PCDHGB2: variants seen among roughly 807,000 people sequenced by gnomAD.
PCDHGB2 encodes the protein protocadherin gamma-B2.
A neutral mutation model predicts 59.3 loss-of-function variants in PCDHGB2; 55 were observed. That is an observed-to-expected ratio of 0.93 (90% confidence interval 0.75 to 1.16). PCDHGB2 has a LOEUF of 1.16. Ranked by LOEUF, PCDHGB2 falls within the 50% of genes most tolerant of loss-of-function variation. The pLI, the probability that PCDHGB2 is intolerant of heterozygous loss-of-function variation, is 0.00. For synonymous variants in PCDHGB2, 516 were observed against 512.0 expected (o/e 1.01, Z -0.11); for missense variants, 1,228 against 1,198.5 (o/e 1.02, Z -0.36).
In PCDHGB2 at chr5:141,433,363, CTATCT is replaced by C. The variant is rs2097590943; in HGVS notation, c.2422-61443_2422-61439del. On this transcript the variant is annotated intron_variant, in intron 1 of 3. Transcript: ENST00000522605. ...TGCAAGCCACCTACTGTCTGCCTAT[CTATCT>C]ATCTATCTATCTATCTATCTATCTA... 4 of 463,386 alleles carry C rather than the reference CTATCT, an allele frequency of 8.6e-6. No homozygotes were observed. The African/African-American group carries it at 1.1e-4, about 13-fold the overall frequency. 28.7% of individuals were successfully genotyped at this position (463,386 alleles called of 1,614,324 possible). A position where few individuals can be genotyped will look rare whatever the true frequency, so the allele number is the denominator to read the frequency against.
intron 1 of PCDHGB2, chr5:141,478,825 T>G: frequency 1.4e-6 from 2 of 1,441,878 alleles, no homozygotes; most frequent in East Asian, 5.0e-5. Context: ...TAACCAATCT[T>G]GCTAAGGGAT....
intron 1 of PCDHGB2, among the ~76,000 whole-genome samples, chr5:141,462,903 T>A (rs1455334521): frequency 6.6e-6 from 1 of 152,208 alleles, no homozygotes; most frequent in Non-Finnish European, 1.5e-5. Context: ...GGAAGGCTAT[T>A]ATGTTTTTTG....
intron 1 of PCDHGB2, chr5:141,415,799 C>T (rs1037967294): frequency 5.2e-6 from 7 of 1,335,782 alleles, no homozygotes; most frequent in Non-Finnish European, 6.7e-6. Context: ...CACCTAGTCT[C>T]AATCAAGGCC....
At chr5:141,492,710 G>A (rs11953270) in intron 1 of PCDHGB2, among the ~76,000 whole-genome samples, 27,341 of 152,278 alleles carry the variant, frequency 0.18, 2,647 homozygotes, top group Admixed American at 0.28. Flanking sequence ...GAAGCCTCGA[G>A]CAGGCGGACA....
In PCDHGB2 at chr5:141,413,613, TA is replaced by T. The variant is rs2095659138; in HGVS notation, c.2421+51059del. The T allele has an allele frequency of 4.3e-6, 7 of 1,613,714 alleles. No individual in the cohort carries two copies. The East Asian group carries it at 1.6e-4, about 36-fold the overall frequency. On this transcript the variant is annotated intron_variant, in intron 1 of 3. Transcript: ENST00000522605. Reference sequence around the variant, plus strand: ...AAGCAGAAAATCTAGACGTAAAAATTAATGAAAATGTCGCTGCGGGAATGCG... The same window carrying T: ...AAGCAGAAAATCTAGACGTAAAAATTATGAAAATGTCGCTGCGGGAATGCG...
In PCDHGB2 at chr5:141,365,685, TC is replaced by T. The variant is rs770206035; in HGVS notation, c.2421+3132del. 2.5e-6 allele frequency: 4 copies of T among 1,613,270 alleles called. No homozygotes were observed. The South Asian group carries it at 4.4e-5, about 18-fold the overall frequency. On this transcript the variant is annotated intron_variant, in intron 1 of 3. Coordinates refer to ENST00000522605, the MANE Select transcript of PCDHGB2 (RefSeq NM_018923.3). The stretch of plus-strand genomic sequence containing the variant: ...GACGTTAATGACAACCCACCCAATT[TC>T]CCTCAAGCCTCCTACTCCACCTCTG...
intron 1 of PCDHGB2, chr5:141,396,416 C>T (rs1336875388): frequency 6.6e-6 from 1 of 152,140 alleles, no homozygotes; most frequent in Non-Finnish European, 1.5e-5. Flanking sequence ...GTCAGGAGTT[C>T]AAGATCAGCC....
intron 1 of PCDHGB2, among the ~76,000 whole-genome samples, chr5:141,437,064 G>T (rs1380953110): frequency 6.6e-6 from 1 of 152,170 alleles, no homozygotes; most frequent in Non-Finnish European, 1.5e-5. Flanking sequence ...ATCATTATTT[G>T]GTTTGGGCCA....
intron 1 of PCDHGB2, chr5:141,374,195 G>T (rs1770254935): frequency 1.2e-6 from 2 of 1,613,752 alleles, no homozygotes; most frequent in East Asian, 2.2e-5. Context: ...TATTCCCGAG[G>T]AGCTGGAGAA....
chr5:141,465,689 C>A (rs2099107540), intron 1 of PCDHGB2, among the ~76,000 whole-genome samples: 1 of 152,162 alleles, frequency 6.6e-6, no homozygotes, highest in African/African-American at 2.4e-5. Context: ...GACCAGTCTG[C>A]TTTTGCATTG....
intron 3 of PCDHGB2, 88 bp from the exon 4 acceptor site, chr5:141,510,859 A>G: frequency 6.2e-7 from 1 of 1,606,096 alleles, no homozygotes; most frequent in Non-Finnish European, 8.5e-7. Context: ...GGTGCTGTAT[A>G]GGCATTCATT....
rs139153105 is a variant in PCDHGB2 at position 141,432,400 on chromosome 5, G to T, written c.2422-62407G>T. 3.1e-6 allele frequency: 5 copies of T among 1,614,122 alleles called. No homozygotes were observed. In the African/African-American group the frequency reaches 4.0e-5, roughly 13 times the overall value. ...ACCCGCCCCTCAGCAGCAACGTGTC[G>T]TTGAGCCTGTTCGTGCTGGACCAGA... On this transcript the variant is annotated intron_variant, in intron 1 of 3. Transcript: ENST00000522605. The surrounding 1 kb of genome is among the most constrained non-coding windows in gnomAD (Gnocchi z 6.0).
intron 1 of PCDHGB2, among the ~76,000 whole-genome samples, chr5:141,405,886 CCAACACTGAAAGGAGG>C (rs1168478788): frequency 1.3e-5 from 2 of 152,086 alleles, no homozygotes; most frequent in African/African-American, 4.8e-5. Context: ...AATTGTTGCT[CCAACACTGAAAGGAGG>C]CATTTATTAG....
intron 1 of PCDHGB2, chr5:141,365,030 G>C (rs1227821908): frequency 1.9e-6 from 3 of 1,613,740 alleles, no homozygotes; most frequent in Non-Finnish European, 2.5e-6. Context: ...TACGGTCCTC[G>C]ACGCAAACGA....
At position 141,432,001 on chromosome 5, in the gene PCDHGB2, G is replaced by T. The variant is rs755338230; in HGVS notation, c.2422-62806G>T. On this transcript the variant is annotated intron_variant, in intron 1 of 3. Coordinates refer to ENST00000522605, the MANE Select transcript of PCDHGB2 (RefSeq NM_018923.3). This position sits in a 1 kb window ranked among gnomAD's most constrained non-coding sequence, Gnocchi z 6.0. Reference sequence around the variant, plus strand: ...CAGACATAGTCTTGGATAGGGAACAGGTTCCTAGCTACAACATCACAGTGA... The same window carrying T: ...CAGACATAGTCTTGGATAGGGAACATGTTCCTAGCTACAACATCACAGTGA... 4 of 1,614,220 alleles carry T rather than the reference G, an allele frequency of 2.5e-6. No homozygotes were observed. In the East Asian group the frequency reaches 8.9e-5, roughly 36 times the overall value.
chr5:141,419,165 A>G, intron 1 of PCDHGB2: 1 of 1,613,978 alleles, frequency 6.2e-7, no homozygotes, highest in Non-Finnish European at 8.5e-7. Flanking sequence ...ATCCTCCAGC[A>G]AAACCATAAC....
chr5:141,370,898 GC>G (rs752324204), intron 1 of PCDHGB2: 10 of 1,614,062 alleles, frequency 6.2e-6, no homozygotes, highest in Non-Finnish European at 8.5e-6. Context: ...ATTCGCTGCA[GC>G]AGTACTACCT....
At chr5:141,427,912 A>G in intron 1 of PCDHGB2, 1 of 1,577,806 alleles carries the variant, frequency 6.3e-7, no homozygotes, top group East Asian at 2.2e-5. Flanking sequence ...CTCAGCGCCA[A>G]CATGAGCCGG....
intron 1 of PCDHGB2, chr5:141,400,255 C>T: frequency 6.2e-7 from 1 of 1,614,046 alleles, no homozygotes; most frequent in Non-Finnish European, 8.5e-7. Flanking sequence ...CGTTGCCTTG[C>T]GCCTGCGACG....
Sources: gnomAD v4.1 joint callset for allele counts (sites outside exome capture counted in the v4.1 genomes callset) on GRCh38, gnomAD v4.1.1 for gene constraint, Gnocchi (gnomAD v3.1) non-coding constraint, MANE v1.5 for transcripts, NCBI Gene and HGNC (gene_info 2026-07-23, HGNC 2026-07-21) for gene names.